UTP4: variants seen among roughly 807,000 people sequenced by gnomAD.
The protein encoded by UTP4 is UTP4 small subunit processome component.
UTP4 carries 45 observed loss-of-function variants against 82.4 expected under a neutral mutation model. The observed-to-expected ratio is 0.55, with a 90% CI of 0.43 to 0.70. UTP4 has a LOEUF of 0.70. Among genes scored for constraint, UTP4 ranks in the 30% least tolerant of loss-of-function variants. UTP4 has a pLI of 0.00. For synonymous variants in UTP4, 348 were observed against 300.3 expected, an observed-to-expected ratio of 1.16 and a Z score of -1.64; for missense variants, 819 against 858.3, an observed-to-expected ratio of 0.95 and a Z score of 0.57.
At chr16:69,140,466 A>G (rs752276951) in intron 5 of UTP4, among the ~76,000 whole-genome samples, 12 of 152,312 alleles carry the variant, frequency 7.9e-5, no homozygotes, top group Middle Eastern at 3.4e-3. Context: ...CTGTAATCCC[A>G]GCACTTTGGG....
intron 7 of UTP4, 29 bp from the exon 8 acceptor site, chr16:69,150,784 T>G (rs1309578410): frequency 2.5e-6 from 4 of 1,613,212 alleles, no homozygotes; most frequent in Non-Finnish European, 3.4e-6. Flanking sequence ...GACTTCTAAT[T>G]CTGTACACCT....
rs749454577 is a variant in UTP4, at chr16:69,165,392, G to C, written c.1699G>C (p.Val567Leu). The C allele has an allele frequency of 1.9e-6, 3 of 1,613,990 alleles. No individual in the cohort carries two copies. Among genetic ancestry groups the C allele is most frequent in the African/African-American group, 2.7e-5 (2 of 74,894 alleles). The change falls in exon 15 of 17, where the codon GTC becomes CTC. Residue 567 changes from valine to leucine, a missense_variant. Physicochemically the swap from Val to Leu is conservative, Grantham distance 32 (BLOSUM62 1). Coordinates refer to ENST00000314423, the MANE Select transcript of UTP4 (RefSeq NM_032830.3). ...DKQYTDWSRT[V>L]QKQGFHHLWL... ...ACAGTATACAGATTGGAGCCGGACT[G>C]TCCAGAAGCAGGGCTTTCACCACCT...
At position 69,143,316 on chromosome 16, in the gene UTP4, A is replaced by G. The variant is rs1286996955; in HGVS notation, c.665A>G (p.Asp222Gly). Residue 222 changes from aspartate to glycine, a missense_variant, in exon 6 of 17, where the codon GAC becomes GGC. Asp to Gly is a moderately conservative substitution (Grantham distance 94, BLOSUM62 -1). Coordinates refer to ENST00000314423, the MANE Select transcript of UTP4 (RefSeq NM_032830.3). ...TCTGCTGGGAAGGTGCAGTTCTGGG[A>G]CTCAGCCACTGGGACGCTTGTGAAG... The part of the protein sequence containing the change: ...VDSAGKVQFW[D>G]SATGTLVKSH... 2 of 1,614,020 alleles carry G rather than the reference A, an allele frequency of 1.2e-6. No individual in the cohort carries two copies. Among genetic ancestry groups the G allele is most frequent in the Non-Finnish European group, 1.7e-6 (2 of 1,180,036 alleles).
rs764306453 is a variant in UTP4, at chr16:69,157,152, C to T, written c.1356C>T (p.Leu452=). The T allele has an allele frequency of 5.6e-6, 9 of 1,614,224 alleles. No homozygotes were observed. In the Admixed American group the frequency reaches 1.0e-4, roughly 18 times the overall value. Residue 452 remains leucine, a synonymous_variant, in exon 12 of 17, where the codon CTC becomes CTT. Transcript: ENST00000314423. ...QILFSEDSTK[L]FVASNQGALH... ...TGTTTTCTGAAGATTCAACAAAGCT[C>T]TTTGTAGCATCAAATCAAGGAGCTC...
At chr16:69,162,313 T>TA (rs923689762) in intron 13 of UTP4, among the ~76,000 whole-genome samples, 21 of 150,650 alleles carry the variant, frequency 1.4e-4, no homozygotes, top group African/African-American at 5.1e-4. Flanking sequence ...TGCGGTGGCT[T>TA]ACGCCTGTAA....
At chr16:69,157,269 G>T in intron 12 of UTP4, 29 bp downstream of exon 12, 1 of 1,612,030 alleles carries the variant, frequency 6.2e-7, no homozygotes, top group Non-Finnish European at 8.5e-7. Context: ...GCCATGGGGA[G>T]ACTTGTCGTG....
Position 69,160,458 on chromosome 16 carries a change from T to C in UTP4, c.1547T>C (p.Leu516Pro). ...GTCCATGTCTACAACGTAAAACAGC[T>C]AAAGGTGAGCATAGGGTTTCATGGC... ...AGVHVYNVKQ[L>P]KLHCTVPAYN... The change falls in exon 13 of 17, where the codon CTA becomes CCA. Residue 516 changes from leucine to proline, a missense_variant. Physicochemically the swap from Leu to Pro is moderately conservative, Grantham distance 98 (BLOSUM62 -3). Coordinates refer to ENST00000314423, the MANE Select transcript of UTP4 (RefSeq NM_032830.3). The C allele has an allele frequency of 6.2e-7, 1 of 1,612,032 alleles. No homozygotes were observed. The highest frequency in any genetic ancestry group is 8.5e-7 in the Non-Finnish European group (1 of 1,178,096).
At chr16:69,138,757 A>G (rs1328983974) in intron 4 of UTP4, among the ~76,000 whole-genome samples, 1 of 152,166 alleles carries the variant, frequency 6.6e-6, no homozygotes, top group Non-Finnish European at 1.5e-5. Context: ...AAAAGCAGCC[A>G]TAGACGATAC....
chr16:69,146,974 C>T (rs557414820), intron 6 of UTP4, among the ~76,000 whole-genome samples: 2 of 146,046 alleles, frequency 1.4e-5, no homozygotes, highest in South Asian at 2.2e-4. Context: ...TGCACTCCAG[C>T]CTGGGCGACA....
rs1437490018 is a variant in UTP4, at chr16:69,143,308, G to T, written c.657G>T (p.Gln219His). The change falls in exon 6 of 17, where the codon CAG becomes CAT. Residue 219 changes from glutamine (Q) to histidine (H), a missense_variant. By Grantham distance (24) the Gln-to-His change is conservative (BLOSUM62 0). Transcript: ENST00000314423. ...GTGTGGACTCTGCTGGGAAGGTGCAGTTCTGGGACTCAGCCACTGGGACGC... is the reference window on the plus strand; with the variant it reads ...GTGTGGACTCTGCTGGGAAGGTGCATTTCTGGGACTCAGCCACTGGGACGC... Reference protein sequence around the residue: ...IISVDSAGKVQFWDSATGTLV... With the variant: ...IISVDSAGKVHFWDSATGTLV... 1.2e-6 allele frequency: 2 copies of T among 1,614,104 alleles called. No individual in the cohort carries two copies. The highest frequency in any genetic ancestry group is 1.7e-6 in the Non-Finnish European group (2 of 1,180,038).
intron 2 of UTP4, among the ~76,000 whole-genome samples, chr16:69,135,359 A>G (rs772016890): frequency 6.6e-6 from 1 of 151,968 alleles, no homozygotes; most frequent in South Asian, 2.1e-4. Context: ...TCCCTTTCCT[A>G]CTAGATACGA....
chr16:69,160,544 T>A, intron 13 of UTP4, 82 bp downstream of exon 13: 1 of 978,946 alleles, frequency 1.0e-6, no homozygotes, highest in Admixed American at 1.7e-5. Context: ...TCAAGGCAGA[T>A]TGGCATGACC....
intron 16 of UTP4, among the ~76,000 whole-genome samples, chr16:69,168,480 G>A (rs904145694): frequency 9.5e-5 from 14 of 147,704 alleles, no homozygotes; most frequent in African/African-American, 1.5e-4. Flanking sequence ...TGAGCCAGGC[G>A]CAGCCGTGCA....
intron 6 of UTP4, among the ~76,000 whole-genome samples, chr16:69,148,781 T>C (rs1963186792): frequency 6.6e-6 from 1 of 151,972 alleles, no homozygotes; most frequent in Non-Finnish European, 1.5e-5. Flanking sequence ...GTTTTTAACA[T>C]TTTTTGTAGA....
chr16:69,137,942 T>C (rs1197223957), intron 4 of UTP4, 57 bp downstream of exon 4: 2 of 1,033,026 alleles, frequency 1.9e-6, no homozygotes, highest in African/African-American at 3.1e-5. Context: ...TAAGTTTCTG[T>C]GCCACTGGGG....
chr16:69,156,843 C>G (rs899784311), intron 11 of UTP4, among the ~76,000 whole-genome samples: 1 of 152,148 alleles, frequency 6.6e-6, no homozygotes, highest in African/African-American at 2.4e-5. Context: ...AAAATTAAAG[C>G]TTTTCTGTTT....
intron 6 of UTP4, among the ~76,000 whole-genome samples, chr16:69,148,700 C>G (rs567048985): frequency 9.9e-5 from 15 of 151,816 alleles, no homozygotes; most frequent in Middle Eastern, 3.4e-3. Flanking sequence ...CAGCCTCTGC[C>G]TCCCAGGCTC....
intron 10 of UTP4, among the ~76,000 whole-genome samples, chr16:69,154,704 T>TTTTATTTATTTATTTATTTA (rs34852514): frequency 1.4e-5 from 2 of 147,102 alleles, no homozygotes; most frequent in Admixed American, 1.4e-4. Flanking sequence ...AATAATGTGC[T>TTTTATTTATTTATTTATTTA]TTTATTTATT....
chr16:69,135,392 C>G (rs1395718456), intron 2 of UTP4, among the ~76,000 whole-genome samples: 1 of 151,910 alleles, frequency 6.6e-6, no homozygotes, highest in Non-Finnish European at 1.5e-5. Context: ...GTCAGTGACT[C>G]TCAGAGCAAG....
Sources: gnomAD v4.1 joint callset for allele counts (sites outside exome capture counted in the v4.1 genomes callset) on GRCh38, gnomAD v4.1.1 for gene constraint, MANE v1.5 for transcripts, NCBI Gene and HGNC (gene_info 2026-07-23, HGNC 2026-07-21) for gene names.